The following KNDC1 variants were observed in gnomAD, a reference collection of about 807,000 sequenced individuals.
KNDC1 encodes the protein kinase non-catalytic C-lobe domain containing 1.
In KNDC1, 106 loss-of-function variants were observed where a neutral mutation model predicts 172.8. The observed-to-expected ratio is 0.61, with a 90% CI of 0.52 to 0.72. KNDC1 has a LOEUF of 0.72. KNDC1 is among the 30% of genes least tolerant of loss of function. The pLI, the probability that KNDC1 is intolerant of heterozygous loss-of-function variation, is 0.00. For synonymous variants in KNDC1, 1,083 were observed against 1,062.2 expected (o/e 1.02, Z -0.38); for missense variants, 2,325 against 2,394.5 (o/e 0.97, Z 0.61).
intron 3 of KNDC1, among the ~76,000 whole-genome samples, chr10:133,170,340 C>A (rs1422069476): frequency 6.6e-6 from 1 of 152,082 alleles, no homozygotes; most frequent in Non-Finnish European, 1.5e-5. Context: ...AGGACGTGGA[C>A]GTGGCAGGGG....
Position 133,201,721 on chromosome 10 carries a change from C to T in KNDC1, c.3210C>T (p.Ala1070=), listed in dbSNP as rs1854374423. 2.5e-6 allele frequency: 4 copies of T among 1,608,682 alleles called. No individual in the cohort carries two copies. The African/African-American group carries it at 4.0e-5, about 16-fold the overall frequency. The change falls in exon 17 of 30, where the codon GCC becomes GCT. Residue 1070 remains alanine, a synonymous_variant. Coordinates refer to ENST00000304613, the MANE Select transcript of KNDC1 (RefSeq NM_152643.8). ...ASDVEAVTRL[A]RSKGVGPALS... ...ACGTGGAGGCAGTGACCCGACTGGCCAGGTCCAAAGGGGTCGGCCCAGCCT... is the reference window on the plus strand; with the variant it reads ...ACGTGGAGGCAGTGACCCGACTGGCTAGGTCCAAAGGGGTCGGCCCAGCCT...
intron 21 of KNDC1, among the ~76,000 whole-genome samples, chr10:133,210,975 G>A (rs1240783705): frequency 6.6e-6 from 1 of 152,118 alleles, no homozygotes; most frequent in Non-Finnish European, 1.5e-5. Flanking sequence ...GGGGAGTCGG[G>A]GTCTCTTCCT....
At chr10:133,201,284 G>C (rs1854355211) in intron 16 of KNDC1, among the ~76,000 whole-genome samples, 1 of 152,174 alleles carries the variant, frequency 6.6e-6, no homozygotes, top group South Asian at 2.1e-4. Flanking sequence ...CTGGGGAGAG[G>C]CCTCTCTCTG....
chr10:133,186,616 G>C lies in KNDC1; in HGVS notation c.1268G>C (p.Arg423Thr), dbSNP rs1275884190. ...RDASGEAQTP[R>T]DDERIPEGAR... ...GCTAGCGGTGAAGCCCAGACTCCCA[G>C]GGACGATGAGAGAATTCCAGAAGGA... The change falls in exon 6 of 30, where the codon AGG becomes ACG. Residue 423 changes from arginine to threonine, a missense_variant. Physicochemically the swap from Arg to Thr is moderately conservative, Grantham distance 71. Transcript: ENST00000304613. 1 of 1,597,442 alleles carries C rather than the reference G, an allele frequency of 6.3e-7. No homozygotes were observed. The highest frequency in any genetic ancestry group is 1.1e-5 in the South Asian group (1 of 90,614).
intron 26 of KNDC1, among the ~76,000 whole-genome samples, chr10:133,215,996 C>T (rs1030673602): frequency 6.6e-6 from 1 of 152,264 alleles, no homozygotes; most frequent in Non-Finnish European, 1.5e-5. Context: ...AAAAGCACCA[C>T]GCTCGTCCAT....
chr10:133,177,287 A>G (rs1467432208), intron 3 of KNDC1, among the ~76,000 whole-genome samples: 1 of 151,766 alleles, frequency 6.6e-6, no homozygotes, highest in African/African-American at 2.4e-5. Context: ...GGTCTGGCAT[A>G]TGTGTGCATC....
At chr10:133,218,507 T>G (rs1845514284) in intron 26 of KNDC1, among the ~76,000 whole-genome samples, 1 of 143,222 alleles carries the variant, frequency 7.0e-6, no homozygotes, top group Admixed American at 7.2e-5. Flanking sequence ...GGGGTCGCCT[T>G]TCCCAGTCCT....
At chr10:133,164,946 A>G (rs1292910457) in intron 1 of KNDC1, among the ~76,000 whole-genome samples, 1 of 152,138 alleles carries the variant, frequency 6.6e-6, no homozygotes, top group Non-Finnish European at 1.5e-5. Flanking sequence ...GCCAGTGTGG[A>G]TTCGGGCAAG....
At chr10:133,205,966 C>T (rs796372083) in intron 17 of KNDC1, among the ~76,000 whole-genome samples, 6 of 152,290 alleles carry the variant, frequency 3.9e-5, no homozygotes, top group African/African-American at 1.4e-4. Context: ...TCTGGGAGGC[C>T]GAGGCGGGCA....
At chr10:133,171,176 A>G (rs570534268) in intron 3 of KNDC1, among the ~76,000 whole-genome samples, 6 of 152,358 alleles carry the variant, frequency 3.9e-5, no homozygotes, top group African/African-American at 1.4e-4. Flanking sequence ...TTAACGTTGT[A>G]AAGTTTTGCT....
chr10:133,185,654 T>A (rs1172631455), intron 5 of KNDC1, among the ~76,000 whole-genome samples: 1 of 151,280 alleles, frequency 6.6e-6, no homozygotes, highest in East Asian at 2.0e-4. Context: ...GACGTGCCTT[T>A]GGATGAGATA....
chr10:133,190,023 G>GCACT (rs1854035558), intron 9 of KNDC1, among the ~76,000 whole-genome samples: 1 of 152,226 alleles, frequency 6.6e-6, no homozygotes, highest in African/African-American at 2.4e-5. Context: ...CTGGCCATGT[G>GCACT]CACTAGAGCT....
At chr10:133,201,937 C>T (rs775388185) in intron 17 of KNDC1, 39 bp downstream of exon 17, 6 of 1,521,294 alleles carry the variant, frequency 3.9e-6, no homozygotes, top group East Asian at 2.5e-5. Context: ...TGGGGCAGGG[C>T]GTCTCCTTCC....
Position 133,198,800 on chromosome 10 carries a change from G to A in KNDC1, c.2292G>A (p.Gln764=). The change falls in exon 14 of 30, where the codon CAG becomes CAA. Residue 764 remains glutamine (Q), a synonymous_variant. Coordinates refer to ENST00000304613, the MANE Select transcript of KNDC1 (RefSeq NM_152643.8). ...AGGGCCGCCCCTGCCCTCCACCCCAGGCCCCAGCAAACCAGCCAGAGGGGG... is the reference window on the plus strand; with the variant it reads ...AGGGCCGCCCCTGCCCTCCACCCCAAGCCCCAGCAAACCAGCCAGAGGGGG... ...SAQGRPCPPP[Q]APANQPEGAS... 6.3e-7 allele frequency: 1 copy of A among 1,593,416 alleles called. No individual in the cohort carries two copies.
rs150206780 is a variant in KNDC1 at position 133,209,493 on chromosome 10, G to A, written c.3795-1118G>A. Among the ~76,000 whole-genome samples the A allele has an allele frequency of 4.9e-4, 74 of 151,782 alleles. No homozygotes were observed. The highest frequency in any genetic ancestry group is 1.7e-3 in the African/African-American group (69 of 41,338). On this transcript the variant is annotated intron_variant, in intron 20 of 29. Coordinates refer to ENST00000304613, the MANE Select transcript of KNDC1 (RefSeq NM_152643.8). The surrounding 1 kb of genome is among the most constrained non-coding windows in gnomAD (Gnocchi z 4.9). ...TTGTGTGCGCGTGTGTGGTGTGCGCGTCTGGTTGTGGAGTTCTGTGTGGCT... is the reference window on the plus strand; with the variant it reads ...TTGTGTGCGCGTGTGTGGTGTGCGCATCTGGTTGTGGAGTTCTGTGTGGCT...
intron 3 of KNDC1, among the ~76,000 whole-genome samples, chr10:133,175,526 G>A (rs1486559775): frequency 6.6e-6 from 1 of 151,898 alleles, no homozygotes; most frequent in African/African-American, 2.4e-5. Flanking sequence ...ATGGATGGGT[G>A]GGTGGATGGT....
chr10:133,181,395 C>T (rs1013932788), intron 3 of KNDC1, among the ~76,000 whole-genome samples: 2 of 152,232 alleles, frequency 1.3e-5, no homozygotes, highest in Admixed American at 1.3e-4. Context: ...GAGCAGCTAT[C>T]GGGGCTCCTG....
intron 6 of KNDC1, 110 bp from the exon 7 acceptor site, chr10:133,188,429 C>G: frequency 1.5e-6 from 1 of 684,310 alleles, no homozygotes; most frequent in East Asian, 2.8e-5. Context: ...GGGGCGCCTA[C>G]TCAGGGGCTG....
At chr10:133,213,938 C>T (rs1845424741) in intron 25 of KNDC1, 34 bp from the exon 26 acceptor site, 1 of 1,613,544 alleles carries the variant, frequency 6.2e-7, no homozygotes, top group Non-Finnish European at 8.5e-7. Flanking sequence ...CTGCACAAGT[C>T]CTGGGGGTGA....
Sources: gnomAD v4.1 joint callset for allele counts (sites outside exome capture counted in the v4.1 genomes callset) on GRCh38, gnomAD v4.1.1 for gene constraint, Gnocchi (gnomAD v3.1) non-coding constraint, MANE v1.5 for transcripts, NCBI Gene and HGNC (gene_info 2026-07-23, HGNC 2026-07-21) for gene names.